KPNB1: variants seen among roughly 807,000 people sequenced by gnomAD.
The protein encoded by KPNB1 is karyopherin subunit beta 1, also known as importin subunit beta-1.
KPNB1 carries 7 observed loss-of-function variants against 113.0 expected under a neutral mutation model. The observed-to-expected ratio is 0.06, with a 90% CI of 0.04 to 0.12. KPNB1 has a LOEUF of 0.12. KPNB1 is among the 10% of genes least tolerant of loss of function. KPNB1 has a pLI of 1.00. For synonymous variants in KPNB1, 363 were observed against 378.6 expected (o/e 0.96, Z 0.48); for missense variants, 400 against 1,054.8 (o/e 0.38, Z 8.60).
intron 2 of KPNB1, chr17:47,651,117 G>C: frequency 1.6e-6 from 1 of 613,220 alleles, no homozygotes; most frequent in Non-Finnish European, 2.0e-6. Flanking sequence ...CCAGAAAACA[G>C]ACTGAGGCTC....
chr17:47,658,302 G>C (rs546683713), intron 4 of KPNB1, among the ~76,000 whole-genome samples: 1 of 152,106 alleles, frequency 6.6e-6, no homozygotes, highest in South Asian at 2.1e-4. Flanking sequence ...CAATGTAAAT[G>C]CTATATTAAT....
chr17:47,664,767 CTGAG>C lies in KPNB1; in HGVS notation c.898-287_898-284del, dbSNP rs555660603. 2.8e-4 allele frequency among the ~76,000 whole-genome samples: 42 copies of C among 152,150 alleles called. No individual in the cohort carries two copies. The South Asian group carries it at 8.1e-3, about 29-fold the overall frequency. On this transcript the variant is annotated intron_variant, in intron 8 of 21. Coordinates refer to ENST00000290158, the MANE Select transcript of KPNB1 (RefSeq NM_002265.6). Reference sequence around the variant, plus strand: ...GTTTTTTTTGGCATCTTTAGGCAAACTGAGTGTGTGTTGATCCAAGGAACACTGA... The same window carrying C: ...GTTTTTTTTGGCATCTTTAGGCAAACTGTGTGTTGATCCAAGGAACACTGA...
Position 47,650,198 on chromosome 17 carries a change from G to A in KPNB1, c.-47G>A, listed in dbSNP as rs774369496. 7.7e-7 allele frequency: 1 copy of A among 1,305,070 alleles called. No individual in the cohort carries two copies. Among genetic ancestry groups the A allele is most frequent in the Non-Finnish European group, 1.0e-6 (1 of 1,004,652 alleles). The allele number at this position is 1,305,070 out of a possible 1,614,324, so 80.8% of individuals were successfully genotyped here. ...CCCAGTTCGAGCCGCCGCCCGAAAG[G>A]CCGGGCCGTCGTCTTAGGAGGAGTC... On this transcript the variant is annotated 5_prime_UTR_variant, in exon 1 of 22. Coordinates refer to ENST00000290158, the MANE Select transcript of KPNB1 (RefSeq NM_002265.6).
rs572464110 is a variant in KPNB1, at chr17:47,654,516, A to G, written c.282+1640A>G. Among the ~76,000 whole-genome samples the G allele has an allele frequency of 9.9e-5, 15 of 151,970 alleles. 1 individual carries two copies. In the East Asian group the frequency reaches 2.9e-3, roughly 29 times the overall value. Reference sequence around the variant, plus strand: ...CAGTACCTTGGCCTTTTTCCCTTTCATAGCACAACGATAACTAATACTAAG... The same window carrying G: ...CAGTACCTTGGCCTTTTTCCCTTTCGTAGCACAACGATAACTAATACTAAG... On this transcript the variant is annotated intron_variant, in intron 3 of 21. Coordinates refer to ENST00000290158, the MANE Select transcript of KPNB1 (RefSeq NM_002265.6).
At chr17:47,653,051 A>T (rs1326536363) in intron 3 of KPNB1, among the ~76,000 whole-genome samples, 175 bp downstream of exon 3, 3 of 152,178 alleles carry the variant, frequency 2.0e-5, no homozygotes, top group Non-Finnish European at 2.9e-5. Context: ...CAGCTTGTCC[A>T]TTCCCATTGA....
chr17:47,666,393 T>TG (rs2030270382), intron 9 of KPNB1, among the ~76,000 whole-genome samples: 2 of 62,834 alleles, frequency 3.2e-5, no homozygotes, highest in African/African-American at 9.6e-5. Flanking sequence ...TGTCTTTACT[T>TG]TTGTGTGTGT....
At chr17:47,670,941 ACT>A in intron 12 of KPNB1, 109 bp downstream of exon 12, 2 of 988,028 alleles carry the variant, frequency 2.0e-6, no homozygotes. Context: ...ACAGGACAAG[ACT>A]CTACCTTCTC....
chr17:47,671,115 G>A (rs2030431716), intron 12 of KPNB1, among the ~76,000 whole-genome samples: 1 of 152,196 alleles, frequency 6.6e-6, no homozygotes, highest in Admixed American at 6.5e-5. Flanking sequence ...AAATTAGCCG[G>A]GCGTGCTGGC....
intron 3 of KPNB1, among the ~76,000 whole-genome samples, chr17:47,653,808 A>G (rs1285679203): frequency 6.6e-6 from 1 of 152,220 alleles, no homozygotes; most frequent in Non-Finnish European, 1.5e-5. Context: ...TTCTGTCACC[A>G]ATCTTGCATA....
At chr17:47,666,292 A>T (rs1275881996) in intron 9 of KPNB1, among the ~76,000 whole-genome samples, 1 of 150,372 alleles carries the variant, frequency 6.7e-6, no homozygotes, top group Non-Finnish European at 1.5e-5. Flanking sequence ...ACTTCAAGTG[A>T]TCCGCCCGCC....
intron 6 of KPNB1, among the ~76,000 whole-genome samples, chr17:47,661,860 G>GGTT (rs1340726865): frequency 6.6e-6 from 1 of 152,116 alleles, no homozygotes; most frequent in Admixed American, 6.5e-5. Context: ...CATTGCCGTA[G>GGTT]GTTATTCAAG....
intron 2 of KPNB1, among the ~76,000 whole-genome samples, chr17:47,652,316 CATT>C (rs1484585499): frequency 7.2e-5 from 11 of 152,178 alleles, no homozygotes; most frequent in Non-Finnish European, 1.5e-4. Flanking sequence ...GAGTACCAGA[CATT>C]ATTAAAAGTT....
intron 6 of KPNB1, among the ~76,000 whole-genome samples, chr17:47,662,603 C>T (rs866075062): frequency 2.0e-5 from 3 of 151,436 alleles, no homozygotes; most frequent in East Asian, 1.9e-4. Flanking sequence ...GAAAAATGGC[C>T]GGGCGCAGTG....
intron 9 of KPNB1, among the ~76,000 whole-genome samples, chr17:47,665,872 C>T: frequency 6.6e-6 from 1 of 152,214 alleles, no homozygotes; most frequent in Admixed American, 6.5e-5. Flanking sequence ...TCTGACGAAA[C>T]AATGTTGGTA....
chr17:47,650,518 A>C lies in KPNB1; in HGVS notation c.99+74A>C, dbSNP rs1307499565. 2.9e-6 allele frequency: 4 copies of C among 1,358,794 alleles called. No individual in the cohort carries two copies. In the African/African-American group the frequency reaches 5.9e-5, roughly 20 times the overall value. The allele number at this position is 1,358,794 out of a possible 1,614,324, so 84.2% of individuals were successfully genotyped here. ...GTGCGGGGCCTTCCCGCCCTCCCGG[A>C]GGCCCAGGCCTCGGGAACCTACCCC... On this transcript the variant is annotated intron_variant, in intron 2 of 21. Coordinates refer to ENST00000290158, the MANE Select transcript of KPNB1 (RefSeq NM_002265.6).
At chr17:47,661,700 CAGCAATTTGGGAGGCCA>C (rs1284496409) in intron 6 of KPNB1, among the ~76,000 whole-genome samples, 3 of 152,156 alleles carry the variant, frequency 2.0e-5, no homozygotes, top group Admixed American at 2.0e-4. Context: ...ACTATAATCC[CAGCAATTTGGGAGGCCA>C]AAGCAGGAGG....
intron 16 of KPNB1, among the ~76,000 whole-genome samples, chr17:47,676,807 CTTT>C (rs10649330): frequency 3.4e-5 from 4 of 116,234 alleles, no homozygotes; most frequent in Non-Finnish European, 6.9e-5. Flanking sequence ...GAGAGCAAGG[CTTT>C]TTTTTTTTTT....
chr17:47,677,359 C>G (rs1255561939), intron 17 of KPNB1, among the ~76,000 whole-genome samples: 2 of 151,346 alleles, frequency 1.3e-5, no homozygotes, highest in East Asian at 3.9e-4. Context: ...GTAATCCCAG[C>G]TACTCGGAAG....
intron 9 of KPNB1, among the ~76,000 whole-genome samples, chr17:47,666,259 G>C (rs1597930359): frequency 6.6e-6 from 1 of 151,456 alleles, no homozygotes; most frequent in Non-Finnish European, 1.5e-5. Context: ...TGCCATGTTA[G>C]CCAGGCTGGT....
Sources: gnomAD v4.1 joint callset for allele counts (sites outside exome capture counted in the v4.1 genomes callset) on GRCh38, gnomAD v4.1.1 for gene constraint, MANE v1.5 for transcripts, NCBI Gene and HGNC (gene_info 2026-07-23, HGNC 2026-07-21) for gene names.